RIMS2: variants seen among roughly 807,000 people sequenced by gnomAD.
RIMS2 encodes the protein regulating synaptic membrane exocytosis protein 2.
RIMS2 carries 59 observed loss-of-function variants against 174.4 expected under a neutral mutation model. The observed-to-expected ratio is 0.34, with a 90% CI of 0.27 to 0.42. RIMS2 has a LOEUF of 0.42. Among genes scored for constraint, RIMS2 ranks in the 10% least tolerant of loss-of-function variants. The probability of loss-of-function intolerance (pLI) is 1.00; values close to 1 mark genes in which losing one functional copy is unlikely to be tolerated. For synonymous variants in RIMS2, 606 were observed against 572.5 expected, an observed-to-expected ratio of 1.06 and a Z score of -0.84; for missense variants, 1,620 against 1,666.3, an observed-to-expected ratio of 0.97 and a Z score of 0.48.
intron 2 of RIMS2, among the ~76,000 whole-genome samples, 180 bp from the exon 5 acceptor site, chr8:103,716,128 AT>A (rs1381330818): frequency 6.6e-6 from 1 of 151,952 alleles, no homozygotes; most frequent in East Asian, 1.9e-4. Context: ...CTCCCCTAAA[AT>A]TTTTTAAAAT....
intron 19 of RIMS2, among the ~76,000 whole-genome samples, chr8:104,107,967 GCC>G (rs11322161): frequency 2.8e-5 from 4 of 141,238 alleles, no homozygotes; most frequent in Admixed American, 7.1e-5. Flanking sequence ...TCTTTCCCCT[GCC>G]CCCCCCCCAC....
chr8:103,704,814 T>C (rs184695185), intron 2 of RIMS2, among the ~76,000 whole-genome samples: 28 of 152,150 alleles, frequency 1.8e-4, no homozygotes, highest in African/African-American at 6.5e-4. Context: ...TCAGTTTTAA[T>C]GTCTTCTTTT....
intron 19 of RIMS2, among the ~76,000 whole-genome samples, chr8:104,200,289 A>C (rs1417021066): frequency 6.6e-6 from 1 of 152,356 alleles, no homozygotes; most frequent in East Asian, 1.9e-4. Context: ...TTTGATTGGA[A>C]GCCCTGAATT....
At chr8:103,579,238 CT>C (rs2093450212) in intron 1 of RIMS2, among the ~76,000 whole-genome samples, 1 of 149,704 alleles carries the variant, frequency 6.7e-6, no homozygotes, top group Non-Finnish European at 1.5e-5. Context: ...CTCTCTCTCT[CT>C]CCCTCTCTCT....
intron 1 of RIMS2, among the ~76,000 whole-genome samples, chr8:103,565,983 A>G (rs970273597): frequency 6.6e-6 from 1 of 152,230 alleles, no homozygotes; most frequent in Non-Finnish European, 1.5e-5. Context: ...TTTCAAATTA[A>G]GAGGCAGAAT....
intron 1 of RIMS2, among the ~76,000 whole-genome samples, chr8:103,528,388 T>G (rs1180859882): frequency 6.6e-6 from 1 of 152,180 alleles, no homozygotes; most frequent in Non-Finnish European, 1.5e-5. Flanking sequence ...AGAAGCTCTT[T>G]AGTTTAATTA....
chr8:104,063,460 A>G (rs1271151021), intron 19 of RIMS2, among the ~76,000 whole-genome samples: 1 of 152,164 alleles, frequency 6.6e-6, no homozygotes, highest in African/African-American at 2.4e-5. Flanking sequence ...AGCTCAATTA[A>G]AGGAAAGATT....
At chr8:103,515,567 A>G (rs1448550452) in intron 1 of RIMS2, among the ~76,000 whole-genome samples, 1 of 152,148 alleles carries the variant, frequency 6.6e-6, no homozygotes, top group Non-Finnish European at 1.5e-5. Flanking sequence ...TGTAAAGCCA[A>G]CAGTAATTGG....
intron 1 of RIMS2, among the ~76,000 whole-genome samples, chr8:103,655,974 A>C (rs1235164637): frequency 1.3e-5 from 2 of 152,154 alleles, no homozygotes; most frequent in Non-Finnish European, 2.9e-5. Context: ...ATGAGTGAGA[A>C]TAGAAATGGA....
intron 19 of RIMS2, among the ~76,000 whole-genome samples, chr8:104,222,982 C>T (rs1196246530): frequency 6.6e-6 from 1 of 151,998 alleles, no homozygotes; most frequent in Non-Finnish European, 1.5e-5. Flanking sequence ...AATTGAGGAG[C>T]CTTTGTGTCA....
chr8:103,966,840 T>C (rs1325589188), intron 15 of RIMS2, among the ~76,000 whole-genome samples: 1 of 152,076 alleles, frequency 6.6e-6, no homozygotes, highest in African/African-American at 2.4e-5. Flanking sequence ...AAGATATATT[T>C]AAATTTCCCT....
chr8:103,668,562 G>A (rs558117554), intron 1 of RIMS2, among the ~76,000 whole-genome samples: 1 of 146,756 alleles, frequency 6.8e-6, no homozygotes, highest in African/African-American at 2.6e-5. Flanking sequence ...ACACCAGTTT[G>A]TAAGTGTGTG....
chr8:103,787,194 C>G (rs2098452200), intron 3 of RIMS2, among the ~76,000 whole-genome samples: 1 of 149,266 alleles, frequency 6.7e-6, no homozygotes, highest in Non-Finnish European at 1.5e-5. Flanking sequence ...TTCCTGAATA[C>G]AGCACACTGA....
At chr8:103,708,815 T>A (rs2097265492) in intron 2 of RIMS2, among the ~76,000 whole-genome samples, 1 of 152,138 alleles carries the variant, frequency 6.6e-6, no homozygotes, top group African/African-American at 2.4e-5. Context: ...TGGTTTGAGG[T>A]TTGTTGAGGG....
intron 19 of RIMS2, among the ~76,000 whole-genome samples, chr8:104,089,294 T>C (rs1483978127): frequency 6.6e-6 from 1 of 151,908 alleles, no homozygotes; most frequent in Non-Finnish European, 1.5e-5. Flanking sequence ...TTACTCACAT[T>C]CGTAGCTCAT....
chr8:103,601,995 G>C (rs1028307923), intron 1 of RIMS2, among the ~76,000 whole-genome samples: 2 of 150,950 alleles, frequency 1.3e-5, no homozygotes, highest in Non-Finnish European at 2.9e-5. Context: ...TTATTTTTTT[G>C]AGATGGTGTC....
chr8:103,884,559 A>T (rs1035477096), intron 3 of RIMS2, among the ~76,000 whole-genome samples: 3 of 151,864 alleles, frequency 2.0e-5, no homozygotes, highest in African/African-American at 7.2e-5. Flanking sequence ...GACTATAAGG[A>T]AATATGAGGG....
chr8:103,803,948 G>A (rs2154457672), intron 3 of RIMS2, among the ~76,000 whole-genome samples: 1 of 152,256 alleles, frequency 6.6e-6, no homozygotes, highest in East Asian at 1.9e-4. Context: ...TGGACATCTT[G>A]ATAACAGCCT....
chr8:103,923,167 G>A (rs923647901), intron 10 of RIMS2, among the ~76,000 whole-genome samples: 2 of 151,724 alleles, frequency 1.3e-5, no homozygotes, highest in African/African-American at 2.4e-5. Flanking sequence ...ACTATAAAAT[G>A]CTAATAAATG....
Sources: gnomAD v4.1 joint callset for allele counts (sites outside exome capture counted in the v4.1 genomes callset) on GRCh38, gnomAD v4.1.1 for gene constraint, MANE v1.5 for transcripts, NCBI Gene and HGNC (gene_info 2026-07-23, HGNC 2026-07-21) for gene names.